SNCAIP: variants seen among roughly 807,000 people sequenced by gnomAD.
SNCAIP encodes the protein synuclein alpha interacting protein.
A neutral mutation model predicts 86.7 loss-of-function variants in SNCAIP; 43 were observed. The observed-to-expected ratio is 0.50, with a 90% CI of 0.39 to 0.64. The LOEUF (loss-of-function observed/expected upper bound fraction) is 0.64. SNCAIP is among the 30% of genes least tolerant of loss of function. The pLI, the probability that SNCAIP is intolerant of heterozygous loss-of-function variation, is 0.00. For missense variants in SNCAIP, 981 were observed against 1,103.1 expected (o/e 0.89, Z 1.57); for synonymous variants, 417 against 427.2 (o/e 0.98, Z 0.29).
At chr5:122,320,941 A>T (rs1191607606) in intron 1 of SNCAIP, among the ~76,000 whole-genome samples, 3 of 152,300 alleles carry the variant, frequency 2.0e-5, no homozygotes, top group Non-Finnish European at 4.4e-5. Context: ...CCTTCTTTGT[A>T]GCCCTTGATG....
intron 1 of SNCAIP, among the ~76,000 whole-genome samples, chr5:122,352,744 C>T (rs934537279): frequency 6.6e-6 from 1 of 152,152 alleles, no homozygotes; most frequent in Non-Finnish European, 1.5e-5. Flanking sequence ...GGTGGGGTGG[C>T]TCACACCTGT....
At chr5:122,318,710 C>T (rs1376848007) in intron 1 of SNCAIP, among the ~76,000 whole-genome samples, 4 of 152,152 alleles carry the variant, frequency 2.6e-5, no homozygotes, top group Admixed American at 6.5e-5. Flanking sequence ...GGTTTATATA[C>T]TTACTTATTA....
chr5:122,402,245 G>A (rs1771980687), intron 2 of SNCAIP, among the ~76,000 whole-genome samples: 1 of 152,120 alleles, frequency 6.6e-6, no homozygotes, highest in Non-Finnish European at 1.5e-5. Flanking sequence ...TAGAGAGCTT[G>A]TACTTGGCCA....
intron 2 of SNCAIP, among the ~76,000 whole-genome samples, chr5:122,394,494 A>T (rs1313194974): frequency 1.3e-5 from 2 of 152,198 alleles, no homozygotes; most frequent in Non-Finnish European, 2.9e-5. Context: ...CCTGCCATCT[A>T]AAAGGGCAGA....
At chr5:122,319,863 G>A (rs1434143623) in intron 1 of SNCAIP, among the ~76,000 whole-genome samples, 1 of 152,204 alleles carries the variant, frequency 6.6e-6, no homozygotes, top group Non-Finnish European at 1.5e-5. Context: ...GGAGGAGAAC[G>A]AGGTTCAGAG....
At chr5:122,342,429 A>T (rs74778562) in intron 1 of SNCAIP, among the ~76,000 whole-genome samples, 3,292 of 152,178 alleles carry the variant, frequency 0.022, 51 homozygotes, top group Non-Finnish European at 0.027. Flanking sequence ...CTCCACCATG[A>T]TTCACATCAC....
At chr5:122,364,755 TA>T (rs1355446803) in intron 1 of SNCAIP, among the ~76,000 whole-genome samples, 1 of 152,158 alleles carries the variant, frequency 6.6e-6, no homozygotes, top group Non-Finnish European at 1.5e-5. Context: ...TATATTTCAA[TA>T]AATTTTAAAA....
At chr5:122,444,239 AG>A (rs1781783481) in intron 7 of SNCAIP, 4 of 490,340 alleles carry the variant, frequency 8.2e-6, no homozygotes, top group Non-Finnish European at 1.6e-5. Flanking sequence ...TCTGACTATG[AG>A]TGATTCTCTT....
intron 3 of SNCAIP, among the ~76,000 whole-genome samples, chr5:122,420,258 C>A (rs562933180): frequency 1.3e-5 from 2 of 152,132 alleles, no homozygotes; most frequent in Admixed American, 6.5e-5. Flanking sequence ...TTCCATAGAG[C>A]GTTTTTAATG....
At chr5:122,399,739 T>C (rs542409059) in intron 2 of SNCAIP, among the ~76,000 whole-genome samples, 1 of 152,266 alleles carries the variant, frequency 6.6e-6, no homozygotes, top group South Asian at 2.1e-4. Flanking sequence ...GGTAAATATA[T>C]AGATGAACCA....
At chr5:122,359,632 TAG>T (rs1761823237) in intron 1 of SNCAIP, among the ~76,000 whole-genome samples, 1 of 152,102 alleles carries the variant, frequency 6.6e-6, no homozygotes, top group African/African-American at 2.4e-5. Flanking sequence ...CCCAAAGTGC[TAG>T]GATTACAGGT....
At chr5:122,437,845 C>T (rs1301002551) in intron 6 of SNCAIP, among the ~76,000 whole-genome samples, 1 of 152,138 alleles carries the variant, frequency 6.6e-6, no homozygotes, top group African/African-American at 2.4e-5. Context: ...TTATCAAGCC[C>T]CTGAAAAGTC....
At chr5:122,316,235 G>A (rs1283318980) in intron 1 of SNCAIP, among the ~76,000 whole-genome samples, 1 of 152,176 alleles carries the variant, frequency 6.6e-6, no homozygotes. Context: ...AGATGTCAAA[G>A]GGAAGTCAGA....
At chr5:122,326,117 G>T (rs1374146957) in intron 1 of SNCAIP, among the ~76,000 whole-genome samples, 2 of 152,236 alleles carry the variant, frequency 1.3e-5, no homozygotes, top group East Asian at 3.9e-4. Flanking sequence ...TTACTGTAAG[G>T]GCTGAGGCTA....
At chr5:122,323,338 A>G (rs1272474305) in intron 1 of SNCAIP, 3 of 152,188 alleles carry the variant, frequency 2.0e-5, no homozygotes, top group Non-Finnish European at 2.9e-5. Context: ...GTGGTTACAA[A>G]TCTTGGGCAC....
At chr5:122,334,109 G>A (rs375095206) in intron 1 of SNCAIP, among the ~76,000 whole-genome samples, 2 of 152,230 alleles carry the variant, frequency 1.3e-5, no homozygotes, top group Non-Finnish European at 2.9e-5. Flanking sequence ...GTTATAAGAA[G>A]AGGAACTCAA....
chr5:122,437,240 G>C (rs761589320), intron 6 of SNCAIP: 3 of 152,202 alleles, frequency 2.0e-5, no homozygotes, highest in Non-Finnish European at 4.4e-5. Context: ...CTGAAGAAAA[G>C]TTTTGTCCTT....
At chr5:122,336,198 G>C (rs1384184384) in intron 1 of SNCAIP, among the ~76,000 whole-genome samples, 2 of 152,104 alleles carry the variant, frequency 1.3e-5, no homozygotes, top group African/African-American at 2.4e-5. Context: ...GAGAAAGAGA[G>C]AGAGAGTGTG....
In SNCAIP at chr5:122,348,766, A is replaced by G. The variant is rs547793982; in HGVS notation, c.-47+36482A>G. 2.6e-5 allele frequency among the ~76,000 whole-genome samples: 4 copies of G among 152,282 alleles called. No individual in the cohort carries two copies. In the East Asian group the frequency reaches 7.7e-4, roughly 29 times the overall value. On this transcript the variant is annotated intron_variant, in intron 1 of 10. Coordinates refer to ENST00000261368, the MANE Select transcript of SNCAIP (RefSeq NM_005460.4). ...ATGAGGACATAAGATGTTTCACATA[A>G]GAACTATGTCAGAATCAAAAGATGA...
Sources: gnomAD v4.1 joint callset for allele counts (sites outside exome capture counted in the v4.1 genomes callset) on GRCh38, gnomAD v4.1.1 for gene constraint, MANE v1.5 for transcripts, NCBI Gene and HGNC (gene_info 2026-07-23, HGNC 2026-07-21) for gene names.